The following PTPN12 variants were observed in gnomAD, a reference collection of about 807,000 sequenced individuals.
The protein encoded by PTPN12 is tyrosine-protein phosphatase non-receptor type 12.
PTPN12 carries 29 observed loss-of-function variants against 97.6 expected under a neutral mutation model. The ratio of observed to expected loss-of-function variants is 0.30; its 90% CI spans 0.22 to 0.41. The LOEUF is 0.41. PTPN12 is among the 10% of genes least tolerant of loss of function. PTPN12 has a pLI of 1.00. For synonymous variants in PTPN12, 327 were observed against 300.4 expected (o/e 1.09, Z -0.91); for missense variants, 819 against 926.0 (o/e 0.88, Z 1.50).
chr7:77,545,695 T>C (rs1021781545), intron 1 of PTPN12: 1 of 152,022 alleles, frequency 6.6e-6, no homozygotes, highest in African/African-American at 2.4e-5. Context: ...TAGTTGAGAA[T>C]CACAGGCCTA....
chr7:77,629,526 G>GT (rs763415624), intron 13 of PTPN12, among the ~76,000 whole-genome samples: 5 of 150,672 alleles, frequency 3.3e-5, no homozygotes, highest in Admixed American at 6.6e-5. Flanking sequence ...AAGTTTTATT[G>GT]TTTTTTTGTT....
rs1484657340 is a variant in PTPN12, at chr7:77,625,528, TCA to T, written c.1026-1175_1026-1174del. 5.1e-4 allele frequency among the ~76,000 whole-genome samples: 55 copies of T among 107,350 alleles called. 4 individuals are homozygous for T. Among genetic ancestry groups the T allele is most frequent in the East Asian group, 1.9e-3 (6 of 3,164 alleles). The allele number at this position is 107,350 out of a possible 152,430, so 70.4% of individuals were successfully genotyped here. A position where few individuals can be genotyped will look rare whatever the true frequency, so the allele number is the denominator to read the frequency against. ...CTCTCTCTCTCTCTCTCTCTCACTC[TCA>T]CTCTCACTCGCGCTCTCTCTCTCGC... On this transcript the variant is annotated intron_variant, in intron 12 of 17. Coordinates refer to ENST00000248594, the MANE Select transcript of PTPN12 (RefSeq NM_002835.4).
chr7:77,631,967 G>C (rs1352798332), intron 13 of PTPN12, among the ~76,000 whole-genome samples: 1 of 152,158 alleles, frequency 6.6e-6, no homozygotes, highest in African/African-American at 2.4e-5. Context: ...AATCCTGTTT[G>C]GGAAACACTG....
rs1807853047 is a variant in PTPN12, at chr7:77,558,832, G to T, written c.100-12246G>T. On this transcript the variant is annotated intron_variant, in intron 1 of 17. Coordinates refer to ENST00000248594, the MANE Select transcript of PTPN12 (RefSeq NM_002835.4). ...GAGGCCAGCTTGGGCCACATAGTAA[G>T]ACCTCATCTCTACAAAACATTTTTA... is the stretch of plus-strand genomic sequence containing the variant. Among the ~76,000 whole-genome samples the T allele has an allele frequency of 1.3e-5, 2 of 152,174 alleles. 1 individual carries two copies. The highest frequency in any genetic ancestry group is 4.1e-4 in the South Asian group (2 of 4,828).
At chr7:77,585,626 A>C in intron 5 of PTPN12, 45 bp downstream of exon 5, 1 of 1,487,046 alleles carries the variant, frequency 6.7e-7, no homozygotes, top group South Asian at 1.2e-5. Context: ...TTACGGATAA[A>C]TATTCTTAGT....
chr7:77,602,815 A>C (rs1200559049), intron 8 of PTPN12, among the ~76,000 whole-genome samples: 3 of 152,200 alleles, frequency 2.0e-5, no homozygotes, highest in Non-Finnish European at 2.9e-5. Flanking sequence ...CATAGTACTT[A>C]CTTCATAAGA....
chr7:77,596,418 T>C (rs917560296), intron 6 of PTPN12, among the ~76,000 whole-genome samples: 1 of 152,184 alleles, frequency 6.6e-6, no homozygotes, highest in African/African-American at 2.4e-5. Context: ...TAGTGTTTTT[T>C]GTTTTGAGAC....
intron 1 of PTPN12, among the ~76,000 whole-genome samples, chr7:77,550,159 T>A (rs1185785584): frequency 1.3e-5 from 2 of 152,178 alleles, no homozygotes; most frequent in African/African-American, 4.8e-5. Flanking sequence ...CTACTCACCT[T>A]TCTCTACCTA....
intron 2 of PTPN12, among the ~76,000 whole-genome samples, chr7:77,579,720 A>G (rs1250649329): frequency 6.6e-6 from 1 of 152,164 alleles, no homozygotes; most frequent in Non-Finnish European, 1.5e-5. Flanking sequence ...CAGAGGGCTG[A>G]TTTTTTCTTT....
chr7:77,638,882 A>T, intron 17 of PTPN12, 151 bp downstream of exon 17: 1 of 1,257,132 alleles, frequency 8.0e-7, no homozygotes, highest in South Asian at 2.1e-5. Context: ...GAAATACTTA[A>T]TTCTATTTCA....
chr7:77,629,798 G>A (rs568095712), intron 13 of PTPN12, among the ~76,000 whole-genome samples: 37 of 151,996 alleles, frequency 2.4e-4, no homozygotes, highest in African/African-American at 8.4e-4. Context: ...AAAACTAGCC[G>A]GGCATGGTGG....
At chr7:77,623,830 A>G (rs979497308) in intron 12 of PTPN12, among the ~76,000 whole-genome samples, 3 of 152,206 alleles carry the variant, frequency 2.0e-5, no homozygotes, top group African/African-American at 4.8e-5. Flanking sequence ...TTTAAAACTC[A>G]TATTTTCTAT....
At chr7:77,588,249 A>G (rs1787755163) in intron 5 of PTPN12, among the ~76,000 whole-genome samples, 1 of 152,180 alleles carries the variant, frequency 6.6e-6, no homozygotes, top group African/African-American at 2.4e-5. Context: ...TTTAAAGTGA[A>G]AAGTTTGTGA....
chr7:77,540,438 A>G (rs1371379026), intron 1 of PTPN12, among the ~76,000 whole-genome samples: 1 of 151,654 alleles, frequency 6.6e-6, no homozygotes, highest in Non-Finnish European at 1.5e-5. Flanking sequence ...GGATTTCACC[A>G]TATTGGCCAG....
chr7:77,582,112 T>TTTTTTTTTTTTTTA, intron 3 of PTPN12, among the ~76,000 whole-genome samples: 1 of 102,916 alleles, frequency 9.7e-6, no homozygotes, highest in South Asian at 3.7e-4. Flanking sequence ...TTTTTTTTTT[T>TTTTTTTTTTTTTTA]GAGACGGAGT....
At chr7:77,583,484 C>A in intron 3 of PTPN12, 71 bp from the exon 4 acceptor site, 2 of 947,598 alleles carry the variant, frequency 2.1e-6, no homozygotes, top group South Asian at 3.0e-5. Context: ...AATTTGAAAC[C>A]TTATATTTTG....
In PTPN12 at chr7:77,627,061, C is replaced by A; in HGVS notation, c.1382C>A (p.Ala461Glu). ...AACACACTTTTGAATAGGGGACATG[C>A]AATTAAAATTAAATCTGCTTCACCT... ...DGNTLLNRGH[A>E]IKIKSASPCI... is the part of the protein sequence containing the mutation. The change falls in exon 13 of 18, where the codon GCA becomes GAA. Residue 461 changes from alanine (A) to glutamate (E), a missense_variant. Around this residue, in one of 5 missense-constraint regions of PTPN12, gnomAD observed 607 missense variants for 577.3 expected, o/e 1.05. Coordinates refer to ENST00000248594, the MANE Select transcript of PTPN12 (RefSeq NM_002835.4). 6.2e-7 allele frequency: 1 copy of A among 1,613,788 alleles called. No individual in the cohort carries two copies. Among genetic ancestry groups the A allele is most frequent in the South Asian group, 1.1e-5 (1 of 91,048 alleles).
intron 11 of PTPN12, 106 bp from the exon 12 acceptor site, chr7:77,618,374 T>C (rs1788823035): frequency 1.4e-6 from 1 of 705,624 alleles, no homozygotes; most frequent in African/African-American, 1.8e-5. Context: ...CTTGGCAAAA[T>C]TGGCATTGTT....
chr7:77,611,253 C>T (rs987064274), intron 11 of PTPN12, among the ~76,000 whole-genome samples: 1 of 152,046 alleles, frequency 6.6e-6, no homozygotes, highest in Non-Finnish European at 1.5e-5. Context: ...AAATTATGTT[C>T]TAAATGAAAT....
Sources: allele counts gnomAD v4.1 joint callset (sites outside exome capture counted in the v4.1 genomes callset), GRCh38; gene constraint gnomAD v4.1.1; regional missense constraint gnomAD v4.1.1; transcripts MANE v1.5; gene names NCBI Gene and HGNC (gene_info 2026-07-23, HGNC 2026-07-21).